DDX53: variants seen among roughly 807,000 people sequenced by gnomAD.
DDX53 encodes DEAD box protein 53.
For synonymous variants in DDX53, 179 were observed against 170.8 expected (o/e 1.05, Z -0.37); for missense variants, 481 against 485.1 (o/e 0.99, Z 0.08).
Position 23,000,376 on chromosome X carries a change from G to A in DDX53, c.319G>A (p.Ala107Thr). Residue 107 changes from alanine to threonine, a missense_variant, in exon 1 of 1, where the codon GCG (alanine) becomes ACG (threonine). Transcript: ENST00000327968. ...GNREMKAKAK[A>T]AIETLIRKQE... Reference sequence around the variant, plus strand: ...TAGGGAAATGAAAGCAAAGGCCAAAGCGGCTATAGAAACACTTATTAGAAA... The same window carrying A: ...TAGGGAAATGAAAGCAAAGGCCAAAACGGCTATAGAAACACTTATTAGAAA... 2 of 1,208,144 alleles carry A rather than the reference G, an allele frequency of 1.7e-6. No homozygotes were observed. The highest frequency in any genetic ancestry group is 2.2e-6 in the Non-Finnish European group (2 of 894,544).
Position 23,001,297 on chromosome X carries a change from G to A in DDX53, c.1240G>A (p.Val414Ile), listed in dbSNP as rs764423632. The A allele has an allele frequency of 8.3e-7, 1 of 1,211,778 alleles. No individual in the cohort carries two copies. Among genetic ancestry groups the A allele is most frequent in the South Asian group, 1.8e-5 (1 of 56,949 alleles). ...GACAAGTGCAACTTGGCCAGATACT[G>A]TACGTCAACTAGCACTTTCTTATTT... The part of the protein sequence containing the change: ...VMTSATWPDT[V>I]RQLALSYLKD... The change falls in exon 1 of 1, where the codon GTA (valine) becomes ATA (isoleucine). Residue 414 changes from valine (V) to isoleucine (I), a missense_variant. Val to Ile is a conservative substitution (Grantham distance 29, BLOSUM62 3). Transcript: ENST00000327968.
In DDX53 at chrX:23,001,315, T is replaced by C; in HGVS notation, c.1258T>C (p.Ser420Pro). The change falls in exon 1 of 1, where the codon TCT (serine) becomes CCT (proline). Residue 420 changes from serine (S) to proline (P), a missense_variant. Ser to Pro is a moderately conservative substitution (Grantham distance 74). Transcript: ENST00000327968. ...WPDTVRQLAL[S>P]YLKDPMIVYV... Reference sequence around the variant, plus strand: ...AGATACTGTACGTCAACTAGCACTTTCTTATTTGAAAGATCCTATGATTGT... The same window carrying C: ...AGATACTGTACGTCAACTAGCACTTCCTTATTTGAAAGATCCTATGATTGT... 8.3e-7 allele frequency: 1 copy of C among 1,211,972 alleles called. No homozygotes were observed.
In DDX53 at chrX:23,000,863, G is replaced by T; in HGVS notation, c.806G>T (p.Gly269Val). 8.3e-7 allele frequency: 1 copy of T among 1,211,302 alleles called. No homozygotes were observed. Among genetic ancestry groups the T allele is most frequent in the Non-Finnish European group, 1.1e-6 (1 of 895,351 alleles). The change falls in exon 1 of 1, where the codon GGA becomes GTA. Residue 269 changes from glycine to valine, a missense_variant. Physicochemically the swap from Gly to Val is moderately radical, Grantham distance 109. Coordinates refer to ENST00000327968, the MANE Select transcript of DDX53 (RefSeq NM_182699.4). The stretch of plus-strand genomic sequence containing the variant: ...GATCTTATAGTAGTTGCACAAACCG[G>T]AACAGGGAAAACATTGTCCTATCTA... ...GIDLIVVAQT[G>V]TGKTLSYLMP...
Position 23,003,491 on chromosome X carries a change from A to G in DDX53, c.*1538A>G, listed in dbSNP as rs1933846312. ...TCTAAAATTCGGTGACATTATAACT[A>G]AAACTGTATACCCCAGCCTTGTATT... is the stretch of plus-strand genomic sequence containing the variant. On this transcript the variant is annotated 3_prime_UTR_variant, in exon 1 of 1. Transcript: ENST00000327968. 1 of 123,612 alleles carries G rather than the reference A, an allele frequency of 8.1e-6. No homozygotes were observed. The allele number at this position is 123,612 out of a possible 1,213,427, so 10.2% of individuals were successfully genotyped here.
At position 23,001,988 on chromosome X, in the gene DDX53, T is replaced by C; in HGVS notation, c.*35T>C. On this transcript the variant is annotated 3_prime_UTR_variant, in exon 1 of 1. Coordinates refer to ENST00000327968, the MANE Select transcript of DDX53 (RefSeq NM_182699.4). The stretch of plus-strand genomic sequence containing the variant: ...CCAGGCTACTGGAAGATTCCAGGCA[T>C]GTTAAAGATATGCAGTATTGAATAT... The C allele has an allele frequency of 9.2e-7, 1 of 1,086,760 alleles. No homozygotes were observed. The highest frequency in any genetic ancestry group is 1.2e-6 in the Non-Finnish European group (1 of 809,555). The allele number at this position is 1,086,760 out of a possible 1,213,427, so 89.6% of individuals were successfully genotyped here.
rs1933817566 is a variant in DDX53, at chrX:23,001,765, C to T, written c.1708C>T (p.Leu570Phe). 8.3e-7 allele frequency: 1 copy of T among 1,211,230 alleles called. No homozygotes were observed. ...AGGAAAGACTGGCACATCAGTTACC[C>T]TCATCACTCAGAGAGATTCGAAAAT... ...RTGKTGTSVT[L>F]ITQRDSKMAG... is the part of the protein sequence containing the mutation. The change falls in exon 1 of 1, where the codon CTC (leucine) becomes TTC (phenylalanine). Residue 570 changes from leucine (L) to phenylalanine (F), a missense_variant. Physicochemically the swap from Leu to Phe is conservative, Grantham distance 22. Coordinates refer to ENST00000327968, the MANE Select transcript of DDX53 (RefSeq NM_182699.4).
rs750265276 is a variant in DDX53 at position 23,001,011 on chromosome X, G to A, written c.954G>A (p.Lys318=). 14 of 1,205,204 alleles carry A rather than the reference G, an allele frequency of 1.2e-5. No homozygotes were observed. Among genetic ancestry groups the A allele is most frequent in the Non-Finnish European group, 1.6e-5 (14 of 893,399 alleles). Residue 318 remains lysine, a synonymous_variant, in exon 1 of 1, where the codon AAG becomes AAA. Transcript: ENST00000327968. ...LALHVEAECS[K]YSYKGLKSIC... ...TTCACGTGGAAGCTGAATGTTCAAA[G>A]TATTCATATAAAGGTCTCAAAAGCA...
Position 23,001,941 on chromosome X carries a change from T to C in DDX53, c.1884T>C (p.Tyr628=). The change falls in exon 1 of 1, where the codon TAT becomes TAC. Residue 628 remains tyrosine, a synonymous_variant. Transcript: ENST00000327968. ...CTGGACAAAGACGCAAGGAGTTTTA[T>C]TTTTTAAGTTGAAAAGTTGTACCAG... ...RKPGQRRKEF[Y]FLS is the part of the protein sequence containing the mutation. 8.4e-7 allele frequency: 1 copy of C among 1,187,351 alleles called. No individual in the cohort carries two copies.
Position 23,000,104 on chromosome X carries a change from G to C in DDX53, c.47G>C (p.Arg16Thr). ...PEWKRAEANPRDLGASWDVRG... is the reference protein window; with the variant it reads ...PEWKRAEANPTDLGASWDVRG... The stretch of plus-strand genomic sequence containing the variant: ...TGGAAGAGGGCGGAGGCTAATCCAA[G>C]AGACCTTGGGGCCAGCTGGGATGTC... The change falls in exon 1 of 1, where the codon AGA becomes ACA. Residue 16 changes from arginine (R) to threonine (T), a missense_variant. Physicochemically the swap from Arg to Thr is moderately conservative, Grantham distance 71. Transcript: ENST00000327968. The C allele has an allele frequency of 8.6e-7, 1 of 1,164,487 alleles. No individual in the cohort carries two copies. Among genetic ancestry groups the C allele is most frequent in the Non-Finnish European group, 1.1e-6 (1 of 873,195 alleles).
chrX:23,001,096 G>A lies in DDX53; in HGVS notation c.1039G>A (p.Asp347Asn), dbSNP rs760379667. 11 of 1,209,453 alleles carry A rather than the reference G, an allele frequency of 9.1e-6. No homozygotes were observed. The Admixed American group carries it at 1.3e-4, about 14-fold the overall frequency. The change falls in exon 1 of 1, where the codon GAT becomes AAT. Residue 347 changes from aspartate to asparagine, a missense_variant. Physicochemically the swap from Asp to Asn is conservative, Grantham distance 23 (BLOSUM62 1). Coordinates refer to ENST00000327968, the MANE Select transcript of DDX53 (RefSeq NM_182699.4). ...AATAGAAGACATTAGCAAAGGTGTAGATATCATTATTGCAACTCCTGGGAG... is the reference window on the plus strand; with the variant it reads ...AATAGAAGACATTAGCAAAGGTGTAAATATCATTATTGCAACTCCTGGGAG... ...GQIEDISKGVDIIIATPGRLN... is the reference protein window; with the variant it reads ...GQIEDISKGVNIIIATPGRLN...
Position 23,001,058 on chromosome X carries a change from A to T in DDX53, c.1001A>T (p.Asn334Ile). 1 of 1,206,411 alleles carries T rather than the reference A, an allele frequency of 8.3e-7. No individual in the cohort carries two copies. The highest frequency in any genetic ancestry group is 1.1e-6 in the Non-Finnish European group (1 of 893,380). The change falls in exon 1 of 1, where the codon AAC (asparagine) becomes ATC (isoleucine). Residue 334 changes from asparagine (N) to isoleucine (I), a missense_variant. Transcript: ENST00000327968. The part of the protein sequence containing the change: ...LKSICIYGGR[N>I]RNGQIEDISK... Reference sequence around the variant, plus strand: ...AGCATTTGCATATATGGTGGTAGAAACAGAAATGGACAAATAGAAGACATT... The same window carrying T: ...AGCATTTGCATATATGGTGGTAGAATCAGAAATGGACAAATAGAAGACATT...
rs1195647358 is a variant in DDX53, at chrX:23,002,461, TC to T, written c.*509del. 8.9e-5 allele frequency: 11 copies of T among 122,926 alleles called. No homozygotes were observed. Among genetic ancestry groups the T allele is most frequent in the African/African-American group, 3.6e-4 (11 of 30,836 alleles). 10.1% of individuals were successfully genotyped at this position (122,926 alleles called of 1,213,427 possible). On this transcript the variant is annotated 3_prime_UTR_variant, in exon 1 of 1. Coordinates refer to ENST00000327968, the MANE Select transcript of DDX53 (RefSeq NM_182699.4). ...ACGTGTCATGGGGGTTTATCAACTT[TC>T]AATATTGTGTATGCTCCTTAATTTT... is the stretch of plus-strand genomic sequence containing the variant.
rs768277612 is a variant in DDX53, at chrX:23,001,097, A to G, written c.1040A>G (p.Asp347Gly). 7.4e-6 allele frequency: 9 copies of G among 1,209,594 alleles called. No homozygotes were observed. The Admixed American group carries it at 2.0e-4, about 26-fold the overall frequency. The change falls in exon 1 of 1, where the codon GAT becomes GGT. Residue 347 changes from aspartate to glycine, a missense_variant. Transcript: ENST00000327968. ...ATAGAAGACATTAGCAAAGGTGTAG[A>G]TATCATTATTGCAACTCCTGGGAGG... ...GQIEDISKGV[D>G]IIIATPGRLN...
chrX:23,000,396 T>C lies in DDX53; in HGVS notation c.339T>C (p.Ile113=). Residue 113 remains isoleucine (I), a synonymous_variant, in exon 1 of 1, where the codon ATT becomes ATC. Coordinates refer to ENST00000327968, the MANE Select transcript of DDX53 (RefSeq NM_182699.4). ...AKAKAAIETL[I]RKQESYNSES... ...CCAAAGCGGCTATAGAAACACTTATTAGAAAACAAGAAAGCTACAACTCAG... is the reference window on the plus strand; with the variant it reads ...CCAAAGCGGCTATAGAAACACTTATCAGAAAACAAGAAAGCTACAACTCAG... 8.3e-7 allele frequency: 1 copy of C among 1,209,353 alleles called. No individual in the cohort carries two copies. Among genetic ancestry groups the C allele is most frequent in the Non-Finnish European group, 1.1e-6 (1 of 894,863 alleles).
chrX:23,001,858 G>A lies in DDX53; in HGVS notation c.1801G>A (p.Ala601Thr). ...QSVPEDLVVM[A>T]EQYKLNQQKR... is the part of the protein sequence containing the mutation. Reference sequence around the variant, plus strand: ...TGTTCCGGAAGATCTTGTAGTAATGGCTGAGCAATACAAGTTAAATCAACA... The same window carrying A: ...TGTTCCGGAAGATCTTGTAGTAATGACTGAGCAATACAAGTTAAATCAACA... The change falls in exon 1 of 1, where the codon GCT becomes ACT. Residue 601 changes from alanine to threonine, a missense_variant. Physicochemically the swap from Ala to Thr is moderately conservative, Grantham distance 58 (BLOSUM62 0). Coordinates refer to ENST00000327968, the MANE Select transcript of DDX53 (RefSeq NM_182699.4). 3 of 1,210,933 alleles carry A rather than the reference G, an allele frequency of 2.5e-6. No homozygotes were observed. The highest frequency in any genetic ancestry group is 3.4e-6 in the Non-Finnish European group (3 of 895,122).
rs1460540854 is a variant in DDX53 at position 23,001,383 on chromosome X, G to A, written c.1326G>A (p.Lys442=). ...NLNLVAVNTV[K]QNIIVTTEKE... is the part of the protein sequence containing the mutation. The stretch of plus-strand genomic sequence containing the variant: ...ATCTAGTGGCTGTAAATACAGTGAA[G>A]CAAAATATAATTGTTACCACAGAAA... Residue 442 remains lysine (K), a synonymous_variant, in exon 1 of 1, where the codon AAG becomes AAA. Coordinates refer to ENST00000327968, the MANE Select transcript of DDX53 (RefSeq NM_182699.4). 1 of 1,209,593 alleles carries A rather than the reference G, an allele frequency of 8.3e-7. No homozygotes were observed. Among genetic ancestry groups the A allele is most frequent in the African/African-American group, 1.7e-5 (1 of 57,681 alleles).
Position 23,001,724 on chromosome X carries a change from G to T in DDX53, c.1667G>T (p.Gly556Val). The T allele has an allele frequency of 8.3e-7, 1 of 1,208,930 alleles. No homozygotes were observed. The highest frequency in any genetic ancestry group is 1.1e-6 in the Non-Finnish European group (1 of 893,215). ...RNIDVYVHRV[G>V]YIGRTGKTGT... The stretch of plus-strand genomic sequence containing the variant: ...ATTGACGTATATGTACACAGAGTAG[G>T]GTACATTGGACGGACAGGAAAGACT... The change falls in exon 1 of 1, where the codon GGG becomes GTG. Residue 556 changes from glycine (G) to valine (V), a missense_variant. Gly to Val is a moderately radical substitution (Grantham distance 109). Coordinates refer to ENST00000327968, the MANE Select transcript of DDX53 (RefSeq NM_182699.4).
In DDX53 at chrX:23,001,447, A is replaced by G. The variant is rs1324512373; in HGVS notation, c.1390A>G (p.Met464Val). 1.7e-6 allele frequency: 2 copies of G among 1,209,347 alleles called. No homozygotes were observed. The highest frequency in any genetic ancestry group is 1.7e-5 in the African/African-American group (1 of 57,291). Residue 464 changes from methionine (M) to valine (V), a missense_variant, in exon 1 of 1, where the codon ATG (methionine) becomes GTG (valine). Transcript: ENST00000327968. ...TCTCACCCAAGAATTCGTAGAGAAC[A>G]TGTCACCCAACGACAAAGTCATCAT... Reference protein sequence around the residue: ...RALTQEFVENMSPNDKVIMFV... With the variant: ...RALTQEFVENVSPNDKVIMFV...
Position 23,000,914 on chromosome X carries a change from C to G in DDX53, c.857C>G (p.Ser286Cys). 8.3e-7 allele frequency: 1 copy of G among 1,209,400 alleles called. No individual in the cohort carries two copies. Among genetic ancestry groups the G allele is most frequent in the Non-Finnish European group, 1.1e-6 (1 of 894,309 alleles). Reference sequence around the variant, plus strand: ...ATGCCTGGGTTTATTCATCTTGATTCTCAACCAATATCTAGAGAGCAAAGG... The same window carrying G: ...ATGCCTGGGTTTATTCATCTTGATTGTCAACCAATATCTAGAGAGCAAAGG... Reference protein sequence around the residue: ...YLMPGFIHLDSQPISREQRNG... With the variant: ...YLMPGFIHLDCQPISREQRNG... Residue 286 changes from serine (S) to cysteine (C), a missense_variant, in exon 1 of 1, where the codon TCT (serine) becomes TGT (cysteine). Coordinates refer to ENST00000327968, the MANE Select transcript of DDX53 (RefSeq NM_182699.4).
Sources: gnomAD v4.1 joint callset for allele counts on GRCh38, gnomAD v4.1.1 for gene constraint, MANE v1.5 for transcripts, NCBI Gene and HGNC (gene_info 2026-07-23, HGNC 2026-07-21) for gene names.